KANK1: variants seen among roughly 807,000 people sequenced by gnomAD.
The protein encoded by KANK1 is KN motif and ankyrin repeat domain-containing protein 1.
KANK1 carries 109 observed loss-of-function variants against 106.2 expected under a neutral mutation model. The observed-to-expected ratio is 1.03, with a 90% CI of 0.88 to 1.20. KANK1 has a LOEUF of 1.20. Ranked by LOEUF, KANK1 falls within the 50% of genes most tolerant of loss-of-function variation. The probability of loss-of-function intolerance (pLI) is 0.00; values close to 1 mark genes in which losing one functional copy is unlikely to be tolerated. For missense variants in KANK1, 2,399 were observed against 1,710.7 expected, an observed-to-expected ratio of 1.40 and a Z score of -7.10; for synonymous variants, 873 against 652.2, an observed-to-expected ratio of 1.34 and a Z score of -5.16.
At chr9:699,506 T>C (rs913004980) in intron 2 of KANK1, among the ~76,000 whole-genome samples, 5 of 152,118 alleles carry the variant, frequency 3.3e-5, no homozygotes, top group Non-Finnish European at 7.3e-5. Flanking sequence ...CAGGTTAATG[T>C]CTGTTAAAAA....
intron 1 of KANK1, among the ~76,000 whole-genome samples, chr9:627,868 C>T (rs1209461747): frequency 1.3e-5 from 2 of 152,066 alleles, no homozygotes; most frequent in Non-Finnish European, 2.9e-5. Context: ...GGGCCAGATG[C>T]TGGCAGTATT....
chr9:625,537 G>C (rs1834139887), intron 1 of KANK1, among the ~76,000 whole-genome samples: 1 of 151,766 alleles, frequency 6.6e-6, no homozygotes, highest in South Asian at 2.1e-4. Context: ...GTTATCCGTT[G>C]TTAAAAGTTC....
At chr9:696,140 C>T (rs750750926) in intron 2 of KANK1, among the ~76,000 whole-genome samples, 10 of 152,122 alleles carry the variant, frequency 6.6e-5, no homozygotes, top group East Asian at 1.9e-4. Context: ...AAAAATTAGC[C>T]GGGCGTGGTG....
At chr9:519,779 A>G (rs1014018870) in intron 1 of KANK1, among the ~76,000 whole-genome samples, 1 of 151,714 alleles carries the variant, frequency 6.6e-6, no homozygotes, top group Non-Finnish European at 1.5e-5. Flanking sequence ...CTTTGAACCT[A>G]CTATTGTTCT....
chr9:614,043 A>G (rs114216915), intron 1 of KANK1, among the ~76,000 whole-genome samples: 1,895 of 152,230 alleles, frequency 0.012, 44 homozygotes, highest in African/African-American at 0.043. Flanking sequence ...CTGGAGGGCC[A>G]TTTTTCACAA....
intron 2 of KANK1, among the ~76,000 whole-genome samples, chr9:699,621 C>G (rs1822167764): frequency 6.6e-6 from 1 of 152,176 alleles, no homozygotes; most frequent in Non-Finnish European, 1.5e-5. Context: ...CACATTCTAA[C>G]TTAATCATAT....
chr9:623,623 GA>G (rs1415590469), intron 1 of KANK1, among the ~76,000 whole-genome samples: 18 of 140,646 alleles, frequency 1.3e-4, no homozygotes, highest in East Asian at 2.0e-4. Flanking sequence ...AAAAGAAAAA[GA>G]AAAAAAAAAG....
chr9:587,636 A>G (rs928542009), intron 1 of KANK1, among the ~76,000 whole-genome samples: 1 of 152,156 alleles, frequency 6.6e-6, no homozygotes, highest in Non-Finnish European at 1.5e-5. Flanking sequence ...AGCTTTCTCT[A>G]TTTTTGCAAC....
intron 1 of KANK1, among the ~76,000 whole-genome samples, chr9:507,244 A>G (rs1245960913): frequency 6.6e-6 from 1 of 151,850 alleles, no homozygotes; most frequent in East Asian, 1.9e-4. Flanking sequence ...AGTCCCAGCT[A>G]CTTGGGAGGC....
intron 1 of KANK1, among the ~76,000 whole-genome samples, chr9:617,207 G>A (rs1832056440): frequency 6.6e-6 from 1 of 151,916 alleles, no homozygotes; most frequent in Non-Finnish European, 1.5e-5. Flanking sequence ...TTATTTTACT[G>A]AGTCCAGTTC....
rs374327270 is a variant in KANK1, at chr9:571,291, CAG to C, written c.-84+66543_-84+66544del. On this transcript the variant is annotated intron_variant, in intron 1 of 11. Coordinates refer to ENST00000382297, the MANE Select transcript of KANK1 (RefSeq NM_015158.5). ...TGTATAAACCAGAGGAAGCCTTTGCCAGAGAGATTGTTGACAATTGCTAGAGG... is the reference window on the plus strand; with the variant it reads ...TGTATAAACCAGAGGAAGCCTTTGCCAGAGATTGTTGACAATTGCTAGAGG... Among the ~76,000 whole-genome samples, 631 of 152,280 alleles carry C rather than the reference CAG, an allele frequency of 4.1e-3. 45 individuals carry two copies. In the South Asian group the frequency reaches 0.13, roughly 30 times the overall value.
At chr9:552,375 C>A (rs1183190033) in intron 1 of KANK1, among the ~76,000 whole-genome samples, 1 of 152,144 alleles carries the variant, frequency 6.6e-6, no homozygotes, top group Non-Finnish European at 1.5e-5. Flanking sequence ...AGCCAAGACT[C>A]AAACTCATTT....
In KANK1 at chr9:479,963, G is replaced by A. The variant is rs116248280; in HGVS notation, c.-362+6690G>A. On this transcript the variant is annotated intron_variant, in intron 3 of 15. Coordinates refer to the KANK1 transcript ENST00000382303. ...CTTTCATATGGAAATGATTTTTCCT[G>A]AAAACAGAAAAATATGGGTTTTTTC... 2.9e-3 allele frequency among the ~76,000 whole-genome samples: 446 copies of A among 152,290 alleles called. 5 individuals are homozygous for A. The highest frequency in any genetic ancestry group is 9.8e-3 in the African/African-American group (407 of 41,578).
At chr9:706,261 C>T (rs1167963994) in intron 2 of KANK1, among the ~76,000 whole-genome samples, 1 of 152,208 alleles carries the variant, frequency 6.6e-6, no homozygotes, top group Non-Finnish European at 1.5e-5. Flanking sequence ...AAATTCTAAC[C>T]TCTTCTGATT....
intron 1 of KANK1, among the ~76,000 whole-genome samples, chr9:565,466 G>T (rs2134575701): frequency 6.6e-6 from 1 of 152,334 alleles, no homozygotes; most frequent in African/African-American, 2.4e-5. Flanking sequence ...GAGTTTAATT[G>T]ACGAAGAGGT....
At chr9:668,753 C>A (rs115694805) in intron 1 of KANK1, among the ~76,000 whole-genome samples, 1 of 152,100 alleles carries the variant, frequency 6.6e-6, no homozygotes, top group African/African-American at 2.4e-5. Flanking sequence ...TCTGTTTTGG[C>A]GCCAGGGACC....
At chr9:534,587 G>T (rs1016502668) in intron 1 of KANK1, among the ~76,000 whole-genome samples, 1 of 152,172 alleles carries the variant, frequency 6.6e-6, no homozygotes, top group African/African-American at 2.4e-5. Context: ...ATCACTCCTA[G>T]CGTGATTTTT....
intron 1 of KANK1, among the ~76,000 whole-genome samples, chr9:640,150 G>A (rs1434399030): frequency 1.3e-5 from 2 of 152,170 alleles, no homozygotes; most frequent in African/African-American, 4.8e-5. Context: ...TGCTTCATGA[G>A]GTTAAAGACT....
At chr9:697,659 G>T (rs1417786193) in intron 2 of KANK1, among the ~76,000 whole-genome samples, 1 of 152,090 alleles carries the variant, frequency 6.6e-6, no homozygotes. Flanking sequence ...GTATATATTA[G>T]TTGGTATTCC....
Sources: allele counts gnomAD v4.1 joint callset (sites outside exome capture counted in the v4.1 genomes callset), GRCh38; gene constraint gnomAD v4.1.1; transcripts MANE v1.5; gene names NCBI Gene and HGNC (gene_info 2026-07-23, HGNC 2026-07-21).